SCIN: variants seen among roughly 807,000 people sequenced by gnomAD.
SCIN encodes the protein scinderin.
A neutral mutation model predicts 91.8 loss-of-function variants in SCIN; 91 were observed. The observed-to-expected ratio is 0.99, with a 90% CI of 0.84 to 1.18. SCIN has a LOEUF of 1.18. SCIN is among the 50% of genes most tolerant of loss of function. The pLI is 0.00. For synonymous variants in SCIN, 367 were observed against 312.6 expected (o/e 1.17, Z -1.84); for missense variants, 1,087 against 863.9 (o/e 1.26, Z -3.24).
At position 12,657,405 on chromosome 7, in the gene SCIN, T is replaced by C. The variant is rs1024007739; in HGVS notation, c.*4690T>C. On this transcript the variant is annotated 3_prime_UTR_variant, in exon 16 of 16. Coordinates refer to ENST00000297029, the MANE Select transcript of SCIN (RefSeq NM_001112706.3). ...CTAATTCTTTGTAGAGATGGGGTTT[T>C]GCCATGTTGTCCAGGCTGGTCTTGA... The C allele has an allele frequency of 1.3e-5, 2 of 149,424 alleles. No homozygotes were observed. The highest frequency in any genetic ancestry group is 6.7e-5 in the Admixed American group (1 of 14,940). 9.3% of individuals were successfully genotyped at this position (149,424 alleles called of 1,614,324 possible).
chr7:12,622,955 T>C (rs1783440824), intron 5 of SCIN, 62 bp downstream of exon 5: 1 of 1,217,188 alleles, frequency 8.2e-7, no homozygotes, highest in African/African-American at 1.5e-5. Context: ...GGGAGGCCTG[T>C]ATTGGGCGGG....
chr7:12,579,445 C>G (rs1026220083), intron 2 of SCIN, among the ~76,000 whole-genome samples: 2 of 152,110 alleles, frequency 1.3e-5, no homozygotes, highest in African/African-American at 4.8e-5. Flanking sequence ...TAAATTGAGT[C>G]TTGTAGTTAC....
chr7:12,647,503 G>A (rs137904037), intron 13 of SCIN, among the ~76,000 whole-genome samples: 1 of 152,126 alleles, frequency 6.6e-6, no homozygotes, highest in Non-Finnish European at 1.5e-5. Flanking sequence ...GTGACTTTAG[G>A]CTGGTTACTG....
At chr7:12,601,423 C>G (rs1435164197) in intron 3 of SCIN, among the ~76,000 whole-genome samples, 6 of 152,182 alleles carry the variant, frequency 3.9e-5, no homozygotes, top group African/African-American at 1.4e-4. Flanking sequence ...TGCAAACACA[C>G]TATCAAATAC....
In SCIN at chr7:12,598,150, T is replaced by G. The variant is rs149559456; in HGVS notation, c.517-6364T>G. On this transcript the variant is annotated intron_variant, in intron 3 of 15. Coordinates refer to ENST00000297029, the MANE Select transcript of SCIN (RefSeq NM_001112706.3). ...CTAAATTCTGTTAAAGCATTATACA[T>G]AAAATAACTTAGATTATAGTGAAAA... 2.4e-3 allele frequency among the ~76,000 whole-genome samples: 371 copies of G among 152,364 alleles called. 2 individuals are homozygous for G. The highest frequency in any genetic ancestry group is 8.5e-3 in the African/African-American group (353 of 41,582).
At chr7:12,580,855 G>C (rs1288181533) in intron 2 of SCIN, among the ~76,000 whole-genome samples, 1 of 152,196 alleles carries the variant, frequency 6.6e-6, no homozygotes, top group Non-Finnish European at 1.5e-5. Flanking sequence ...AAAACAGAAA[G>C]AATAAAGAGA....
At chr7:12,586,756 A>G (rs1782596797) in intron 3 of SCIN, among the ~76,000 whole-genome samples, 1 of 152,218 alleles carries the variant, frequency 6.6e-6, no homozygotes, top group African/African-American at 2.4e-5. Flanking sequence ...AAAATAAAGT[A>G]TGGAATCCTT....
At position 12,625,159 on chromosome 7, in the gene SCIN, A is replaced by T. The variant is rs1280524171; in HGVS notation, c.892+17A>T. ...TATGGAAAGGTAAAAAATTCCATTGACGATGCTGTATTTCAGATTTATAGA... is the reference window on the plus strand; with the variant it reads ...TATGGAAAGGTAAAAAATTCCATTGTCGATGCTGTATTTCAGATTTATAGA... On this transcript the variant is annotated intron_variant, in intron 6 of 15. Transcript: ENST00000297029. The T allele has an allele frequency of 6.2e-7, 1 of 1,601,400 alleles. No individual in the cohort carries two copies. The highest frequency in any genetic ancestry group is 8.5e-7 in the Non-Finnish European group (1 of 1,173,756).
intron 3 of SCIN, among the ~76,000 whole-genome samples, chr7:12,588,467 G>A (rs1164127920): frequency 6.6e-6 from 1 of 152,066 alleles, no homozygotes; most frequent in Non-Finnish European, 1.5e-5. Flanking sequence ...GAGAAAGGAC[G>A]AGAGAGAGAC....
At chr7:12,629,749 A>G (rs1783604640) in intron 9 of SCIN, among the ~76,000 whole-genome samples, 1 of 152,200 alleles carries the variant, frequency 6.6e-6, no homozygotes, top group Admixed American at 6.5e-5. Flanking sequence ...ATGGTTTTGC[A>G]TGATGATTTA....
chr7:12,631,342 T>G (rs1353409236), intron 9 of SCIN, among the ~76,000 whole-genome samples: 1 of 152,182 alleles, frequency 6.6e-6, no homozygotes, highest in African/African-American at 2.4e-5. Context: ...GTGTTTTTAG[T>G]GCAATATAAA....
chr7:12,613,956 T>C (rs982753829), intron 4 of SCIN, among the ~76,000 whole-genome samples: 58 of 152,202 alleles, frequency 3.8e-4, no homozygotes, highest in Admixed American at 1.3e-4. Flanking sequence ...CATAGAACTA[T>C]GTTGGTAAGT....
At chr7:12,604,799 T>A in intron 4 of SCIN, 136 bp downstream of exon 4, 1 of 673,556 alleles carries the variant, frequency 1.5e-6, no homozygotes, top group Non-Finnish European at 2.4e-6. Context: ...ATAGTGAGCC[T>A]AGCTACAATT....
At chr7:12,613,942 G>A (rs574585547) in intron 4 of SCIN, among the ~76,000 whole-genome samples, 6 of 152,214 alleles carry the variant, frequency 3.9e-5, no homozygotes, top group South Asian at 4.1e-4. Context: ...AAACAAAAAA[G>A]CTTCATAGAA....
At chr7:12,595,983 A>G (rs1207282334) in intron 3 of SCIN, among the ~76,000 whole-genome samples, 1 of 152,202 alleles carries the variant, frequency 6.6e-6, no homozygotes, top group Non-Finnish European at 1.5e-5. Flanking sequence ...AGGCAGACAA[A>G]GAGACCAAGA....
Position 12,605,521 on chromosome 7 carries a change from A to G in SCIN, c.666+858A>G, listed in dbSNP as rs188832518. Among the ~76,000 whole-genome samples, 38 of 152,334 alleles carry G rather than the reference A, an allele frequency of 2.5e-4. No individual in the cohort carries two copies. In the East Asian group the frequency reaches 6.9e-3, roughly 28 times the overall value. On this transcript the variant is annotated intron_variant, in intron 4 of 15. Transcript: ENST00000297029. ...ATGATATATCTTGGGGATGGGAGTC[A>G]AGTCTAAACATGAAACTCATTTATG...
intron 10 of SCIN, among the ~76,000 whole-genome samples, chr7:12,636,633 C>G (rs558742359): frequency 1.3e-5 from 2 of 152,206 alleles, no homozygotes; most frequent in African/African-American, 4.8e-5. Context: ...CTGGGTGGGC[C>G]TAGCGTAATC....
chr7:12,637,302 C>T (rs1783771086), intron 10 of SCIN, among the ~76,000 whole-genome samples: 1 of 152,100 alleles, frequency 6.6e-6, no homozygotes, highest in Non-Finnish European at 1.5e-5. Context: ...CGTAAACATG[C>T]GTAAGTTATG....
At chr7:12,591,964 G>A (rs1782733078) in intron 3 of SCIN, among the ~76,000 whole-genome samples, 1 of 152,120 alleles carries the variant, frequency 6.6e-6, no homozygotes, top group African/African-American at 2.4e-5. Flanking sequence ...GAGAGGGGCT[G>A]CAAAGAAGAA....
Sources: gnomAD v4.1 joint callset for allele counts (sites outside exome capture counted in the v4.1 genomes callset) on GRCh38, gnomAD v4.1.1 for gene constraint, MANE v1.5 for transcripts, NCBI Gene and HGNC (gene_info 2026-07-23, HGNC 2026-07-21) for gene names.